The following NFILZ variants were observed in gnomAD, a reference collection of about 807,000 sequenced individuals.
The protein encoded by NFILZ is NFIL3 like basic leucine zipper.
intron 3 of NFILZ, among the ~76,000 whole-genome samples, chr19:8,647,097 C>A (rs894927498): frequency 5.9e-5 from 9 of 152,216 alleles, no homozygotes; most frequent in Admixed American, 5.2e-4. Context: ...TTATGTGGAA[C>A]GTGATTAGAA....
At chr19:8,633,483 G>A (rs962832040) in intron 2 of NFILZ, among the ~76,000 whole-genome samples, 3 of 152,192 alleles carry the variant, frequency 2.0e-5, no homozygotes, top group African/African-American at 4.8e-5. Flanking sequence ...CTGCGGCTAA[G>A]CTGAGGCTGC....
At chr19:8,656,672 C>T (rs78093705) in intron 3 of NFILZ, among the ~76,000 whole-genome samples, 1,572 of 152,328 alleles carry the variant, frequency 0.01, 28 homozygotes, top group African/African-American at 0.036. Flanking sequence ...TTCCCTGCTG[C>T]GCCCAGGCCT....
chr19:8,663,882 C>T (rs2043049482), intron 3 of NFILZ, among the ~76,000 whole-genome samples: 1 of 151,762 alleles, frequency 6.6e-6, no homozygotes, highest in Non-Finnish European at 1.5e-5. Context: ...TCCTGGCTGG[C>T]GTTTTAGTGG....
chr19:8,672,660 A>G (rs1204273490), intron 3 of NFILZ, among the ~76,000 whole-genome samples: 1 of 152,220 alleles, frequency 6.6e-6, no homozygotes, highest in African/African-American at 2.4e-5. Context: ...AGTTCATGCC[A>G]AAAATCCATG....
rs139287612 is a variant in NFILZ, at chr19:8,678,407, T to C, written c.*772T>C. Among the ~76,000 whole-genome samples the C allele has an allele frequency of 1.6e-4, 25 of 151,750 alleles. No individual in the cohort carries two copies. The highest frequency in any genetic ancestry group is 6.0e-4 in the African/African-American group (25 of 41,384). ...ATTCATTCATCCACCCATCCACCTA[T>C]CTATGCATGCATCCATCCATCCTCA... On this transcript the variant is annotated 3_prime_UTR_variant, in exon 6 of 6. Coordinates refer to ENST00000691075, the MANE Select transcript of NFILZ (RefSeq NM_001378600.1).
chr19:8,632,177 G>A (rs2042873229), intron 1 of NFILZ, among the ~76,000 whole-genome samples: 1 of 151,000 alleles, frequency 6.6e-6, no homozygotes, highest in Non-Finnish European at 1.5e-5. Flanking sequence ...CCGCCCTTGT[G>A]TTTTATTACT....
chr19:8,669,226 T>C (rs1253713947), intron 3 of NFILZ, among the ~76,000 whole-genome samples: 1 of 152,234 alleles, frequency 6.6e-6, no homozygotes, highest in African/African-American at 2.4e-5. Context: ...ATTACAAGCA[T>C]GAACCACCAA....
chr19:8,661,115 CT>C (rs1480333644), intron 3 of NFILZ, among the ~76,000 whole-genome samples: 9 of 128,760 alleles, frequency 7.0e-5, no homozygotes, highest in African/African-American at 1.8e-4. Flanking sequence ...TCCTTCCTTC[CT>C]TCCTTCCCTC....
rs1485807480 is a variant in NFILZ at position 8,678,706 on chromosome 19, C to A, written c.*1071C>A. 6.6e-6 allele frequency among the ~76,000 whole-genome samples: 1 copy of A among 152,098 alleles called. No individual in the cohort carries two copies. Among genetic ancestry groups the A allele is most frequent in the African/African-American group, 2.4e-5 (1 of 41,406 alleles). On this transcript the variant is annotated 3_prime_UTR_variant, in exon 6 of 6. Transcript: ENST00000691075. ...ATCCACCCATTCATCTACTCATCCA[C>A]CCATCCATCCTTTCATTCATTTATT...
intron 3 of NFILZ, among the ~76,000 whole-genome samples, chr19:8,666,743 TC>T (rs1555749848): frequency 6.6e-6 from 1 of 151,940 alleles, no homozygotes; most frequent in African/African-American, 2.4e-5. Flanking sequence ...AATCTCTCTC[TC>T]CTTTTTTGAG....
At chr19:8,657,761 G>T (rs1350513574) in intron 3 of NFILZ, among the ~76,000 whole-genome samples, 1 of 152,144 alleles carries the variant, frequency 6.6e-6, no homozygotes, top group Non-Finnish European at 1.5e-5. Flanking sequence ...GGTTTCTGGG[G>T]GGCTCTCAGC....
At chr19:8,661,977 G>A (rs542995443) in intron 3 of NFILZ, among the ~76,000 whole-genome samples, 2 of 152,114 alleles carry the variant, frequency 1.3e-5, no homozygotes, top group Admixed American at 6.6e-5. Flanking sequence ...AGGAAGGAGG[G>A]TCCACTGAGG....
At chr19:8,663,754 G>GTGTATGTGTGTGTGTGTGTATGTGTGTA (rs1555674962) in intron 3 of NFILZ, among the ~76,000 whole-genome samples, 1 of 117,542 alleles carries the variant, frequency 8.5e-6, no homozygotes, top group African/African-American at 4.8e-5. Flanking sequence ...GTGTGTGTGT[G>GTGTATGTGTGTGTGTGTGTATGTGTGTA]TGTGTGTGTG....
Position 8,678,789 on chromosome 19 carries a change from A to G in NFILZ, c.*1154A>G, listed in dbSNP as rs1387025397. Among the ~76,000 whole-genome samples the G allele has an allele frequency of 6.6e-6, 1 of 152,050 alleles. No individual in the cohort carries two copies. The highest frequency in any genetic ancestry group is 1.5e-5 in the Non-Finnish European group (1 of 68,020). On this transcript the variant is annotated 3_prime_UTR_variant, in exon 6 of 6. Coordinates refer to ENST00000691075, the MANE Select transcript of NFILZ (RefSeq NM_001378600.1). The stretch of plus-strand genomic sequence containing the variant: ...TATTCATTCATTCTCTTACTCATTA[A>G]TTTACTTATAATTCACTTGTCCCCT...
rs568541823 is a variant in NFILZ, at chr19:8,664,692, T to G, written c.-163-9859T>G. On this transcript the variant is annotated intron_variant, in intron 3 of 5. Coordinates refer to ENST00000691075, the MANE Select transcript of NFILZ (RefSeq NM_001378600.1). ...TGTGGCCCTTCCGAGAAACCTGGGC[T>G]GGGCTGCCCAGGGCCGTGGGAATAG... Among the ~76,000 whole-genome samples, 30 of 152,146 alleles carry G rather than the reference T, an allele frequency of 2.0e-4. No individual in the cohort carries two copies. The South Asian group carries it at 6.2e-3, about 32-fold the overall frequency.
At chr19:8,644,637 T>A (rs1277901159) in intron 3 of NFILZ, among the ~76,000 whole-genome samples, 1 of 148,870 alleles carries the variant, frequency 6.7e-6, no homozygotes, top group African/African-American at 2.6e-5. Flanking sequence ...TTAAAAGAAT[T>A]TTTTTTTTGT....
chr19:8,636,567 C>A (rs1442560373), intron 3 of NFILZ, among the ~76,000 whole-genome samples: 1 of 150,630 alleles, frequency 6.6e-6, no homozygotes, highest in Non-Finnish European at 1.5e-5. Context: ...CCCTTAGCCT[C>A]CTGAGTAGCT....
At position 8,680,174 on chromosome 19, in the gene NFILZ, C is replaced by T. The variant is rs1432956314; in HGVS notation, c.*2539C>T. ...TTGCACCACTGCAGTCCAGCCTGGG[C>T]GACAGAGCGAGACTCCATCTGAAAA... On this transcript the variant is annotated 3_prime_UTR_variant, in exon 6 of 6. Transcript: ENST00000691075. Among the ~76,000 whole-genome samples the T allele has an allele frequency of 6.2e-5, 8 of 128,290 alleles. No homozygotes were observed. Among genetic ancestry groups the T allele is most frequent in the South Asian group, 2.5e-4 (1 of 3,946 alleles). The allele number at this position is 128,290 out of a possible 152,430, so 84.2% of individuals were successfully genotyped here.
At chr19:8,661,071 C>CCT in intron 3 of NFILZ, among the ~76,000 whole-genome samples, 1 of 94,462 alleles carries the variant, frequency 1.1e-5, no homozygotes, top group Non-Finnish European at 2.1e-5. Context: ...CCTTCCCCCT[C>CCT]CCTCCCTTCC....
Sources: gnomAD v4.1 joint callset for allele counts (sites outside exome capture counted in the v4.1 genomes callset) on GRCh38, gnomAD v4.1.1 for gene constraint, MANE v1.5 for transcripts, NCBI Gene and HGNC (gene_info 2026-07-23, HGNC 2026-07-21) for gene names.